Variants in LCLAT1 observed in about 807,000 individuals in gnomAD.
The protein encoded by LCLAT1 is 1-AGP acyltransferase 8.
A neutral mutation model predicts 30.7 loss-of-function variants in LCLAT1; 11 were observed. The observed-to-expected ratio is 0.36, with a 90% confidence interval of 0.23 to 0.59. The LOEUF is 0.59. Ranked by LOEUF, LCLAT1 falls within the 20% of genes least tolerant of loss-of-function variation. The pLI is 0.77. For missense variants in LCLAT1, 402 were observed against 458.6 expected (o/e 0.88, Z 1.13); for synonymous variants, 155 against 151.3 (o/e 1.02, Z -0.18).
chr2:30,637,641 G>A (rs1269563220), intron 5 of LCLAT1, among the ~76,000 whole-genome samples: 4 of 152,084 alleles, frequency 2.6e-5, no homozygotes, highest in South Asian at 4.1e-4. Flanking sequence ...GCATTGGCAC[G>A]ATCTCAGCTC....
intron 1 of LCLAT1, among the ~76,000 whole-genome samples, chr2:30,520,644 A>G (rs1685429893): frequency 6.6e-6 from 1 of 152,220 alleles, no homozygotes; most frequent in Non-Finnish European, 1.5e-5. Flanking sequence ...GTCGGCATGT[A>G]AAATATATGA....
At chr2:30,535,812 C>G (rs1686214826) in intron 3 of LCLAT1, among the ~76,000 whole-genome samples, 1 of 151,952 alleles carries the variant, frequency 6.6e-6, no homozygotes, top group South Asian at 2.1e-4. Context: ...TAATATACCC[C>G]AAAGTAAAGG....
chr2:30,537,777 A>G (rs1302320970), intron 3 of LCLAT1, among the ~76,000 whole-genome samples: 1 of 152,250 alleles, frequency 6.6e-6, no homozygotes, highest in Non-Finnish European at 1.5e-5. Context: ...CACAGAATAT[A>G]CATTATTTTC....
At chr2:30,614,995 G>A (rs772302696) in intron 5 of LCLAT1, among the ~76,000 whole-genome samples, 1 of 152,106 alleles carries the variant, frequency 6.6e-6, no homozygotes, top group African/African-American at 2.4e-5. Flanking sequence ...GGAATGATGA[G>A]GGCAGAAGCT....
At chr2:30,586,241 CA>C (rs148993331) in intron 5 of LCLAT1, among the ~76,000 whole-genome samples, 10,710 of 77,648 alleles carry the variant, frequency 0.14, 284 homozygotes, top group East Asian at 0.15. Context: ...GACTCCGTCT[CA>C]AAAAAAAAAA....
intron 5 of LCLAT1, among the ~76,000 whole-genome samples, chr2:30,608,171 A>T (rs1232996974): frequency 6.6e-6 from 1 of 151,740 alleles, no homozygotes; most frequent in Non-Finnish European, 1.5e-5. Context: ...AAATACAAAT[A>T]TTAGCTGGGC....
chr2:30,468,999 G>T (rs1270849456), intron 1 of LCLAT1, among the ~76,000 whole-genome samples: 1 of 152,156 alleles, frequency 6.6e-6, no homozygotes, highest in African/African-American at 2.4e-5. Flanking sequence ...TTTCCCCAAT[G>T]ATGTATGATG....
chr2:30,455,417 C>A (rs1681782838), intron 1 of LCLAT1, among the ~76,000 whole-genome samples: 2 of 152,196 alleles, frequency 1.3e-5, no homozygotes, highest in African/African-American at 2.4e-5. Flanking sequence ...ATTCTGAAAT[C>A]ATTATCAGTC....
At position 30,573,521 on chromosome 2, in the gene LCLAT1, C is replaced by T. The variant is rs1469665099; in HGVS notation, c.628+5345C>T. On this transcript the variant is annotated intron_variant, in intron 5 of 5. Transcript: ENST00000379509. ...CTATGACCTACCTCTCTGGCTGTAT[C>T]TCCTGTCTCCCTAGTTGTACCATTT... 2.0e-5 allele frequency among the ~76,000 whole-genome samples: 3 copies of T among 152,162 alleles called. No individual in the cohort carries two copies. In the East Asian group the frequency reaches 5.8e-4, roughly 29 times the overall value.
chr2:30,544,059 C>G (rs1159342462), intron 3 of LCLAT1, among the ~76,000 whole-genome samples: 1 of 152,102 alleles, frequency 6.6e-6, no homozygotes, highest in African/African-American at 2.4e-5. Flanking sequence ...TTCAGCACTG[C>G]TATAGTTGTG....
chr2:30,494,285 A>C (rs1402481630), intron 1 of LCLAT1, among the ~76,000 whole-genome samples: 2 of 152,178 alleles, frequency 1.3e-5, no homozygotes, highest in Non-Finnish European at 2.9e-5. Context: ...ATATGAAGTC[A>C]GTGGGTGAAG....
At chr2:30,600,481 C>T (rs908691210) in intron 5 of LCLAT1, among the ~76,000 whole-genome samples, 1 of 152,050 alleles carries the variant, frequency 6.6e-6, no homozygotes, top group Admixed American at 6.6e-5. Flanking sequence ...CAAACAAACT[C>T]CAAAGCTAGC....
intron 1 of LCLAT1, among the ~76,000 whole-genome samples, chr2:30,472,257 C>T (rs1439957613): frequency 6.6e-6 from 1 of 152,152 alleles, no homozygotes. Context: ...TTTCAGAACT[C>T]ACTGAATAGA....
At chr2:30,521,659 A>G (rs1203225150) in intron 1 of LCLAT1, among the ~76,000 whole-genome samples, 5 of 151,776 alleles carry the variant, frequency 3.3e-5, no homozygotes, top group African/African-American at 1.2e-4. Context: ...GGCACGCGCC[A>G]CCATGCCCAG....
chr2:30,604,315 A>G (rs994939035), intron 5 of LCLAT1, among the ~76,000 whole-genome samples: 1 of 150,458 alleles, frequency 6.6e-6, no homozygotes, highest in Non-Finnish European at 1.5e-5. Flanking sequence ...AGAAAAGACG[A>G]CTAAGAGAAG....
At chr2:30,578,061 A>G (rs1357473175) in intron 5 of LCLAT1, among the ~76,000 whole-genome samples, 2 of 152,120 alleles carry the variant, frequency 1.3e-5, no homozygotes, top group African/African-American at 4.8e-5. Context: ...AATGTGAGAA[A>G]TTTATGTAGA....
At chr2:30,481,937 G>A (rs79274827) in intron 1 of LCLAT1, among the ~76,000 whole-genome samples, 4,833 of 152,206 alleles carry the variant, frequency 0.032, 109 homozygotes, top group East Asian at 0.064. Flanking sequence ...TCTTTGATTA[G>A]CATTTAATTG....
chr2:30,498,217 A>G (rs1015843859), intron 1 of LCLAT1, among the ~76,000 whole-genome samples: 12 of 152,200 alleles, frequency 7.9e-5, no homozygotes, highest in East Asian at 7.7e-4. Context: ...TGGACTGGAA[A>G]GACAAGGAAT....
chr2:30,632,753 G>T (rs1668829493), intron 5 of LCLAT1, among the ~76,000 whole-genome samples: 1 of 152,162 alleles, frequency 6.6e-6, no homozygotes, highest in Admixed American at 6.5e-5. Context: ...AGGGACTATT[G>T]TGTCCATTTA....
Sources: gnomAD v4.1 joint callset for allele counts (sites outside exome capture counted in the v4.1 genomes callset) on GRCh38, gnomAD v4.1.1 for gene constraint, MANE v1.5 for transcripts, NCBI Gene and HGNC (gene_info 2026-07-23, HGNC 2026-07-21) for gene names.